NLGN1: variants seen among roughly 807,000 people sequenced by gnomAD.
NLGN1 encodes neuroligin-1.
NLGN1 carries 12 observed loss-of-function variants against 65.5 expected under a neutral mutation model. That is an observed-to-expected ratio of 0.18 (90% CI 0.12 to 0.30). NLGN1 has a LOEUF of 0.30. Ranked by LOEUF, NLGN1 falls within the 10% of genes least tolerant of loss-of-function variation. The pLI is 1.00. For missense variants in NLGN1, 750 were observed against 1,007.1 expected (o/e 0.74, Z 3.46); for synonymous variants, 350 against 359.5 (o/e 0.97, Z 0.30).
intron 4 of NLGN1, among the ~76,000 whole-genome samples, chr3:173,944,902 A>T (rs1415962704): frequency 6.6e-6 from 1 of 152,120 alleles, no homozygotes; most frequent in Non-Finnish European, 1.5e-5. Flanking sequence ...AAGAGTTTTA[A>T]CCAAAAATTG....
chr3:173,602,273 T>C (rs916883859), intron 2 of NLGN1, among the ~76,000 whole-genome samples: 1 of 152,078 alleles, frequency 6.6e-6, no homozygotes, highest in Non-Finnish European at 1.5e-5. Context: ...ACTTTCTGTT[T>C]AGGCATATAT....
chr3:173,878,712 G>A (rs923449551), intron 4 of NLGN1, among the ~76,000 whole-genome samples: 10 of 150,856 alleles, frequency 6.6e-5, no homozygotes, highest in Non-Finnish European at 1.2e-4. Context: ...ACATATATAA[G>A]TGTGTATATA....
At chr3:173,789,228 G>T (rs1712073127) in intron 3 of NLGN1, among the ~76,000 whole-genome samples, 1 of 151,604 alleles carries the variant, frequency 6.6e-6, no homozygotes, top group Non-Finnish European at 1.5e-5. Context: ...GAGAGAGAAA[G>T]AAAGAAGGAA....
chr3:174,131,784 A>C (rs1313766612), intron 4 of NLGN1, among the ~76,000 whole-genome samples: 2 of 152,218 alleles, frequency 1.3e-5, no homozygotes, highest in Non-Finnish European at 2.9e-5. Context: ...AAAAGATATT[A>C]GAAATCTATA....
At position 173,741,242 on chromosome 3, in the gene NLGN1, G is replaced by A. The variant is rs191414693; in HGVS notation, c.494-66438G>A. Among the ~76,000 whole-genome samples, 604 of 152,158 alleles carry A rather than the reference G, an allele frequency of 4.0e-3. 8 individuals are homozygous for A. The highest frequency in any genetic ancestry group is 0.014 in the African/African-American group (575 of 41,540). ...TCAATTTTATTCTGTTGCCTAGCAT[G>A]GCATCTGGCACAGAGCAGACAATCA... On this transcript the variant is annotated intron_variant, in intron 3 of 6. Transcript: ENST00000457714.
In NLGN1 at chr3:174,106,033, C is replaced by A. The variant is rs1229168292; in HGVS notation, c.647-169282C>A. 2.6e-5 allele frequency among the ~76,000 whole-genome samples: 4 copies of A among 152,100 alleles called. No homozygotes were observed. The East Asian group carries it at 7.7e-4, about 29-fold the overall frequency. Reference sequence around the variant, plus strand: ...ATTTTACTTGACCCGGTGATAATACCTTTACACGAAACATCTTATTCAATT... The same window carrying A: ...ATTTTACTTGACCCGGTGATAATACATTTACACGAAACATCTTATTCAATT... On this transcript the variant is annotated intron_variant, in intron 4 of 6. Transcript: ENST00000457714.
At chr3:174,086,155 T>C (rs960109335) in intron 4 of NLGN1, among the ~76,000 whole-genome samples, 5 of 150,648 alleles carry the variant, frequency 3.3e-5, no homozygotes, top group Admixed American at 6.6e-5. Context: ...CACTTTTTCC[T>C]TTCAGGAATA....
intron 4 of NLGN1, among the ~76,000 whole-genome samples, chr3:174,245,206 A>G (rs1425367317): frequency 6.6e-6 from 1 of 152,176 alleles, no homozygotes; most frequent in African/African-American, 2.4e-5. Flanking sequence ...GTGGAGATTA[A>G]TAGCACTCAT....
intron 4 of NLGN1, among the ~76,000 whole-genome samples, chr3:173,959,532 C>A (rs11926817): frequency 0.012 from 1,840 of 152,222 alleles, 39 homozygotes; most frequent in African/African-American, 0.041. Flanking sequence ...TCAAGAGAAC[C>A]ATATAGTTTT....
Position 173,921,124 on chromosome 3 carries a change from G to A in NLGN1, c.646+113292G>A, listed in dbSNP as rs78674263. Among the ~76,000 whole-genome samples the A allele has an allele frequency of 7.4e-3, 1,103 of 148,866 alleles. 10 individuals carry two copies. Among genetic ancestry groups the A allele is most frequent in the African/African-American group, 0.025 (1,040 of 40,794 alleles). On this transcript the variant is annotated intron_variant, in intron 4 of 6. Coordinates refer to ENST00000457714, the Ensembl canonical transcript of NLGN1. The stretch of plus-strand genomic sequence containing the variant: ...ATTTGGAATTTACAGGAAGTTCATA[G>A]CAATAGATTTCACTCGAATTTGGTC...
intron 4 of NLGN1, among the ~76,000 whole-genome samples, chr3:173,955,494 C>A (rs2152336388): frequency 6.6e-6 from 1 of 152,204 alleles, no homozygotes; most frequent in South Asian, 2.1e-4. Flanking sequence ...CATAAAGAGT[C>A]CATGGTAAAT....
At chr3:173,621,563 C>T (rs974176052) in intron 3 of NLGN1, among the ~76,000 whole-genome samples, 8 of 151,436 alleles carry the variant, frequency 5.3e-5, no homozygotes, top group Non-Finnish European at 1.0e-4. Flanking sequence ...AAGGGTGGGC[C>T]GGGAATGGGA....
At chr3:174,034,877 AGACT>A (rs1730788224) in intron 4 of NLGN1, among the ~76,000 whole-genome samples, 1 of 152,178 alleles carries the variant, frequency 6.6e-6, no homozygotes, top group Non-Finnish European at 1.5e-5. Context: ...ACCAATTAAA[AGACT>A]GACTGTGAGG....
At chr3:173,556,178 T>A (rs184196298) in intron 2 of NLGN1, among the ~76,000 whole-genome samples, 9 of 152,290 alleles carry the variant, frequency 5.9e-5, no homozygotes, top group Admixed American at 5.9e-4. Flanking sequence ...ATCTGTGTTT[T>A]CTTATTTTCC....
intron 3 of NLGN1, among the ~76,000 whole-genome samples, chr3:173,606,922 A>G (rs921425880): frequency 4.6e-5 from 7 of 151,976 alleles, no homozygotes; most frequent in African/African-American, 7.2e-5. Flanking sequence ...TTAATGTACA[A>G]TACTGCAGTA....
chr3:173,876,333 G>A (rs1732099164), intron 4 of NLGN1, among the ~76,000 whole-genome samples: 1 of 151,754 alleles, frequency 6.6e-6, no homozygotes, highest in African/African-American at 2.4e-5. Context: ...AAAAGATTTG[G>A]GTATGCTTCA....
At chr3:173,419,115 C>T (rs1200599978) in intron 1 of NLGN1, among the ~76,000 whole-genome samples, 1 of 104,652 alleles carries the variant, frequency 9.6e-6, no homozygotes, top group African/African-American at 3.8e-5. Flanking sequence ...CTATATATAT[C>T]GATTTTTTTT....
At chr3:173,412,897 A>C (rs1467277171) in intron 1 of NLGN1, among the ~76,000 whole-genome samples, 1 of 152,188 alleles carries the variant, frequency 6.6e-6, no homozygotes, top group African/African-American at 2.4e-5. Flanking sequence ...GCAGTGCATA[A>C]TGCTGACAAC....
chr3:173,897,957 A>G (rs1736625225), intron 4 of NLGN1, among the ~76,000 whole-genome samples: 1 of 152,204 alleles, frequency 6.6e-6, no homozygotes, highest in Non-Finnish European at 1.5e-5. Context: ...ACACTGGAAA[A>G]ATTAAAGAAT....
Sources: gnomAD v4.1 joint callset for allele counts (sites outside exome capture counted in the v4.1 genomes callset) on GRCh38, gnomAD v4.1.1 for gene constraint, MANE v1.5 for transcripts, NCBI Gene and HGNC (gene_info 2026-07-23, HGNC 2026-07-21) for gene names.